The following SPRR2G variants were observed in gnomAD, a reference collection of about 807,000 sequenced individuals.
SPRR2G encodes small proline-rich protein 2G.
In SPRR2G, 1 loss-of-function variant was observed where a neutral mutation model predicts 0.7. The ratio of observed to expected loss-of-function variants is 1.49; its 90% confidence interval spans 0.53 to 7.06. The LOEUF is 7.06. Among genes scored for constraint, SPRR2G ranks in the 30% most tolerant of loss-of-function variants. SPRR2G has a pLI of 0.14. For missense variants in SPRR2G, 96 were observed against 88.5 expected (o/e 1.09, Z -0.34); for synonymous variants, 38 against 33.9 (o/e 1.12, Z -0.42).
rs1656451857 is a variant in SPRR2G at position 153,150,847 on chromosome 1, C to T, written c.-22+5G>A. ...GCAAGAAAAGCTTCTAATATTTGTA[C>T]TCACCAGAGTCTTCAAAGATCTACA... On this transcript the variant is annotated splice_donor_5th_base_variant and intron_variant, in intron 1 of 1. Transcript: ENST00000368748. 6.5e-6 allele frequency: 1 copy of T among 152,780 alleles called. No homozygotes were observed. The highest frequency in any genetic ancestry group is 6.5e-5 in the Admixed American group (1 of 15,386). The allele number at this position is 152,780 out of a possible 1,614,324, so 9.5% of individuals were successfully genotyped here.
the SPRR2G span, among the ~76,000 whole-genome samples, chr1:153,157,905 G>T: frequency 0.012 from 1,737 of 145,610 alleles, 27 homozygotes; most frequent in African/African-American, 0.031. Context: ...CTTACATGGT[G>T]GCAGGAGACA....
At chr1:153,157,032 G>A in the SPRR2G span, among the ~76,000 whole-genome samples, 14 of 152,212 alleles carry the variant, frequency 9.2e-5, no homozygotes, top group Non-Finnish European at 8.8e-5. Context: ...AGGAGCTGGG[G>A]CTTACTGCCA....
chr1:153,188,553 T>C, the SPRR2G span, among the ~76,000 whole-genome samples: 5 of 152,218 alleles, frequency 3.3e-5, no homozygotes, highest in East Asian at 9.7e-4. Flanking sequence ...CAATCCCAGG[T>C]CAACTTCAGA....
chr1:153,202,457 T>C, the SPRR2G span, among the ~76,000 whole-genome samples: 19 of 152,172 alleles, frequency 1.2e-4, no homozygotes, highest in African/African-American at 4.3e-4. Context: ...TTTTCTTTTC[T>C]CAAAAACCTG....
chr1:153,199,795 A>G, the SPRR2G span, among the ~76,000 whole-genome samples: 1 of 152,164 alleles, frequency 6.6e-6, no homozygotes, highest in Non-Finnish European at 1.5e-5. Context: ...TGATTCTAAA[A>G]GTCAAGGGCA....
chr1:153,194,133 T>C, the SPRR2G span, among the ~76,000 whole-genome samples: 1 of 152,156 alleles, frequency 6.6e-6, no homozygotes, highest in Non-Finnish European at 1.5e-5. Flanking sequence ...TGATGTTCAA[T>C]TCTGATTCAA....
At chr1:153,185,349 T>G in the SPRR2G span, among the ~76,000 whole-genome samples, 599 of 151,820 alleles carry the variant, frequency 3.9e-3, 9 homozygotes, top group African/African-American at 0.013. Context: ...CTTTTTTTTT[T>G]TTTTTGTGGT....
At chr1:153,178,719 T>A in the SPRR2G span, among the ~76,000 whole-genome samples, 1 of 152,180 alleles carries the variant, frequency 6.6e-6, no homozygotes. Context: ...TCCTGAGGAA[T>A]AACGATCTGT....
At chr1:153,165,172 G>A in the SPRR2G span, among the ~76,000 whole-genome samples, 1 of 151,238 alleles carries the variant, frequency 6.6e-6, no homozygotes, top group African/African-American at 2.4e-5. Context: ...ATGGATGGAT[G>A]GATGGATGGA....
the SPRR2G span, among the ~76,000 whole-genome samples, chr1:153,195,769 ACT>A: frequency 6.6e-5 from 10 of 151,854 alleles, no homozygotes; most frequent in African/African-American, 2.4e-4. Context: ...TGCTGAGATG[ACT>A]CTTCCTTTCC....
the SPRR2G span, among the ~76,000 whole-genome samples, chr1:153,167,042 A>G: frequency 6.6e-6 from 1 of 152,202 alleles, no homozygotes; most frequent in African/African-American, 2.4e-5. Flanking sequence ...ACCCTGATGC[A>G]ATCTACTTTG....
At chr1:153,161,797 G>C in the SPRR2G span, among the ~76,000 whole-genome samples, 1 of 152,156 alleles carries the variant, frequency 6.6e-6, no homozygotes, top group Admixed American at 6.5e-5. Context: ...GACTACTCTA[G>C]AATTAGAAAT....
the SPRR2G span, among the ~76,000 whole-genome samples, chr1:153,197,015 C>T: frequency 3.3e-5 from 5 of 152,262 alleles, no homozygotes; most frequent in African/African-American, 9.6e-5. Flanking sequence ...AAGAGAATGA[C>T]TCCCATTTAC....
At chr1:153,193,862 G>T in the SPRR2G span, among the ~76,000 whole-genome samples, 1 of 152,100 alleles carries the variant, frequency 6.6e-6, no homozygotes, top group Non-Finnish European at 1.5e-5. Context: ...CCCACTGGGG[G>T]CTTAGAGCAA....
At chr1:153,170,805 A>G in the SPRR2G span, among the ~76,000 whole-genome samples, 23,105 of 152,130 alleles carry the variant, frequency 0.15, 2,185 homozygotes, top group South Asian at 0.23. Context: ...ACGGCTGCCC[A>G]CCACCCTCTG....
the SPRR2G span, among the ~76,000 whole-genome samples, chr1:153,166,550 C>A: frequency 6.6e-6 from 1 of 152,028 alleles, no homozygotes; most frequent in Admixed American, 6.5e-5. Context: ...TCCTTGATAC[C>A]TAAGCTCTGA....
chr1:153,189,731 T>C, the SPRR2G span, among the ~76,000 whole-genome samples: 1 of 152,092 alleles, frequency 6.6e-6, no homozygotes, highest in African/African-American at 2.4e-5. Context: ...GAAGAAGTAA[T>C]GATCAAGTTG....
At chr1:153,165,157 CATGGATGGATGGATGG>C in the SPRR2G span, among the ~76,000 whole-genome samples, 7 of 149,060 alleles carry the variant, frequency 4.7e-5, no homozygotes, top group Admixed American at 6.7e-5. Context: ...AGAAAGCAAA[CATGGATGGATGGATGG>C]ATGGATGGAT....
chr1:153,174,673 T>G, the SPRR2G span: 1 of 152,202 alleles, frequency 6.6e-6, no homozygotes, highest in Non-Finnish European at 1.5e-5. Context: ...GGTTCTACCT[T>G]GGGGAGAAGG....
Sources: allele counts gnomAD v4.1 joint callset (sites outside exome capture counted in the v4.1 genomes callset), GRCh38; gene constraint gnomAD v4.1.1; transcripts MANE v1.5; gene names NCBI Gene and HGNC (gene_info 2026-07-23, HGNC 2026-07-21).